Variants in PLXNC1 observed in about 807,000 individuals in gnomAD.
PLXNC1 encodes the protein plexin C1, also known as plexin-C1.
Under a neutral mutation model 178.2 loss-of-function variants are expected in PLXNC1, and 75 were observed. That is an observed-to-expected ratio of 0.42 (90% confidence interval 0.35 to 0.51). The LOEUF is 0.51. PLXNC1 is among the 20% of genes least tolerant of loss of function. The pLI is 0.02. For missense variants in PLXNC1, 1,503 were observed against 1,984.4 expected (o/e 0.76, Z 4.61); for synonymous variants, 790 against 779.9 (o/e 1.01, Z -0.22).
rs889085321 is a variant in PLXNC1, at chr12:94,307,277, T to C, written c.*1992T>C. On this transcript the variant is annotated 3_prime_UTR_variant, in exon 31 of 31. Coordinates refer to ENST00000258526, the MANE Select transcript of PLXNC1 (RefSeq NM_005761.3). The stretch of plus-strand genomic sequence containing the variant: ...TCTAAGCTACCTCACTGAGGTGGTA[T>C]GAAGATTCACTAATGTATGTAGCGT... 1 of 152,160 alleles carries C rather than the reference T, an allele frequency of 6.6e-6. No individual in the cohort carries two copies. Among genetic ancestry groups the C allele is most frequent in the African/African-American group, 2.4e-5 (1 of 41,450 alleles). 9.4% of individuals were successfully genotyped at this position (152,160 alleles called of 1,614,324 possible).
chr12:94,287,901 C>T (rs78225856), intron 23 of PLXNC1, among the ~76,000 whole-genome samples: 4,348 of 152,286 alleles, frequency 0.029, 82 homozygotes, highest in Middle Eastern at 0.058. Flanking sequence ...TCTTCTTTAC[C>T]GCTCCATGAG....
intron 21 of PLXNC1, among the ~76,000 whole-genome samples, chr12:94,266,863 C>G (rs1389169570): frequency 6.6e-6 from 1 of 152,176 alleles, no homozygotes; most frequent in African/African-American, 2.4e-5. Context: ...CTCATTGAAC[C>G]CTTGTTTAAA....
chr12:94,216,459 T>C (rs1385731058), intron 5 of PLXNC1, among the ~76,000 whole-genome samples: 1 of 152,214 alleles, frequency 6.6e-6, no homozygotes, highest in African/African-American at 2.4e-5. Flanking sequence ...TATGGAAATA[T>C]GTTCAACCTC....
chr12:94,228,884 C>T (rs192421023), intron 9 of PLXNC1, among the ~76,000 whole-genome samples: 4 of 152,284 alleles, frequency 2.6e-5, no homozygotes, highest in Admixed American at 1.3e-4. Flanking sequence ...GCTATTTCTT[C>T]GAGACCCTGC....
intron 11 of PLXNC1, among the ~76,000 whole-genome samples, chr12:94,241,881 A>G (rs1280484968): frequency 6.6e-5 from 10 of 152,086 alleles, no homozygotes; most frequent in Admixed American, 5.2e-4. Flanking sequence ...AAATCTCTTT[A>G]GGACTAAAAT....
At chr12:94,286,618 A>C (rs1197334453) in intron 23 of PLXNC1, among the ~76,000 whole-genome samples, 1 of 31,402 alleles carries the variant, frequency 3.2e-5, no homozygotes, top group Non-Finnish European at 7.3e-5. Flanking sequence ...CTTAAAAGCA[A>C]AAAAAAAAAA....
rs561059920 is a variant in PLXNC1 at position 94,212,781 on chromosome 12, A to G, written c.1554+3077A>G. On this transcript the variant is annotated intron_variant, in intron 5 of 30. Transcript: ENST00000258526. ...GTCGCCCAGGCTGGAGTGCAGTGGC[A>G]CGATCTTGGCTCACTGCAAGCTCCG... is the stretch of plus-strand genomic sequence containing the variant. 1.4e-3 allele frequency among the ~76,000 whole-genome samples: 209 copies of G among 145,980 alleles called. 2 individuals carry two copies. In the South Asian group the frequency reaches 0.017, roughly 12 times the overall value.
At chr12:94,231,706 A>G (rs1010881626) in intron 9 of PLXNC1, among the ~76,000 whole-genome samples, 1 of 152,150 alleles carries the variant, frequency 6.6e-6, no homozygotes, top group African/African-American at 2.4e-5. Context: ...AAATCTATGT[A>G]TGACCTTGGA....
At chr12:94,258,884 C>A (rs1411028493) in intron 17 of PLXNC1, among the ~76,000 whole-genome samples, 3 of 152,246 alleles carry the variant, frequency 2.0e-5, no homozygotes, top group South Asian at 2.1e-4. Flanking sequence ...CTTTTAACTA[C>A]CCCCTGTCTT....
chr12:94,268,588 C>CTTTTT lies in PLXNC1; in HGVS notation c.3597+3383_3597+3387dup, dbSNP rs61265662. Among the ~76,000 whole-genome samples the CTTTTT allele has an allele frequency of 2.5e-3, 227 of 90,816 alleles. 4 individuals are homozygous for CTTTTT. Among genetic ancestry groups the CTTTTT allele is most frequent in the African/African-American group, 8.1e-3 (175 of 21,718 alleles). The allele number at this position is 90,816 out of a possible 152,430, so 59.6% of individuals were successfully genotyped here. A position where few individuals can be genotyped will look rare whatever the true frequency, so the allele number is the denominator to read the frequency against. ...TCAGACAGCTGGAAGAGAATAAGAC[C>CTTTTT]TTTTTTTTTTTTTTTTTTTTTTTTA... is the stretch of plus-strand genomic sequence containing the variant. On this transcript the variant is annotated intron_variant, in intron 21 of 30. Transcript: ENST00000258526.
At chr12:94,277,789 A>C (rs832507) in intron 21 of PLXNC1, 3 of 367,750 alleles carry the variant, frequency 8.2e-6, no homozygotes, top group African/African-American at 6.4e-5. Context: ...CGATACTATC[A>C]TCAAGCCTTT....
At position 94,305,425 on chromosome 12, in the gene PLXNC1, G is replaced by T. The variant is rs1968905070; in HGVS notation, c.*140G>T. Reference sequence around the variant, plus strand: ...GGCACTGTCTTTTTAAGAGACCAAGGCACATGCACAGCTTTTAGAAAGCAT... The same window carrying T: ...GGCACTGTCTTTTTAAGAGACCAAGTCACATGCACAGCTTTTAGAAAGCAT... On this transcript the variant is annotated 3_prime_UTR_variant, in exon 31 of 31. Coordinates refer to ENST00000258526, the MANE Select transcript of PLXNC1 (RefSeq NM_005761.3). 1.7e-6 allele frequency: 1 copy of T among 602,592 alleles called. No individual in the cohort carries two copies. Among genetic ancestry groups the T allele is most frequent in the East Asian group, 2.8e-5 (1 of 36,014 alleles). The allele number at this position is 602,592 out of a possible 1,614,324, so 37.3% of individuals were successfully genotyped here. A position where few individuals can be genotyped will look rare whatever the true frequency, so the allele number is the denominator to read the frequency against.
chr12:94,249,526 G>A (rs568088173), intron 14 of PLXNC1, among the ~76,000 whole-genome samples: 191 of 152,108 alleles, frequency 1.3e-3, no homozygotes, highest in Non-Finnish European at 2.3e-3. Context: ...GAGCTACCGC[G>A]CCCAGCCAAT....
chr12:94,298,048 G>A (rs1375672868), intron 26 of PLXNC1, among the ~76,000 whole-genome samples: 1 of 152,134 alleles, frequency 6.6e-6, no homozygotes, highest in African/African-American at 2.4e-5. Flanking sequence ...AACTTGATGG[G>A]CATGCTTCTT....
intron 23 of PLXNC1, among the ~76,000 whole-genome samples, chr12:94,291,924 A>G (rs1967375399): frequency 6.6e-6 from 1 of 152,230 alleles, no homozygotes; most frequent in South Asian, 2.1e-4. Flanking sequence ...CCGCTTTTGG[A>G]GTCCCTCATG....
intron 4 of PLXNC1, among the ~76,000 whole-genome samples, chr12:94,198,727 T>G (rs1298461679): frequency 6.6e-6 from 1 of 152,154 alleles, no homozygotes; most frequent in Non-Finnish European, 1.5e-5. Context: ...TCCTGGTGTT[T>G]CTTGGCTTGG....
At chr12:94,212,166 T>G (rs1963490815) in intron 5 of PLXNC1, among the ~76,000 whole-genome samples, 1 of 148,492 alleles carries the variant, frequency 6.7e-6, no homozygotes. Flanking sequence ...CCCAGCTACT[T>G]GGGAGGCTGA....
chr12:94,169,342 T>G (rs746052100), intron 2 of PLXNC1, 49 bp downstream of exon 2: 1 of 1,534,684 alleles, frequency 6.5e-7, no homozygotes, highest in Non-Finnish European at 8.8e-7. Context: ...GGTGATATTT[T>G]GTACTTTAAA....
intron 7 of PLXNC1, 100 bp from the exon 8 acceptor site, chr12:94,226,504 GC>G: frequency 4.7e-6 from 2 of 425,240 alleles, no homozygotes; most frequent in South Asian, 3.4e-5. Context: ...TTTTTTTTTT[GC>G]CTTCTTTTAA....
Sources: gnomAD v4.1 joint callset for allele counts (sites outside exome capture counted in the v4.1 genomes callset) on GRCh38, gnomAD v4.1.1 for gene constraint, MANE v1.5 for transcripts, NCBI Gene and HGNC (gene_info 2026-07-23, HGNC 2026-07-21) for gene names.